The following KAZN variants were observed in gnomAD, a reference collection of about 807,000 sequenced individuals.
KAZN encodes kazrin.
A neutral mutation model predicts 87.4 loss-of-function variants in KAZN; 40 were observed. That is an observed-to-expected ratio of 0.46 (90% CI 0.36 to 0.60). The LOEUF is 0.60. Ranked by LOEUF, KAZN falls within the 20% of genes least tolerant of loss-of-function variation. The pLI, the probability that KAZN is intolerant of heterozygous loss-of-function variation, is 0.00. For synonymous variants in KAZN, 466 were observed against 458.3 expected, an observed-to-expected ratio of 1.02 and a Z score of -0.22; for missense variants, 898 against 1,073.9, an observed-to-expected ratio of 0.84 and a Z score of 2.29.
intron 2 of KAZN, among the ~76,000 whole-genome samples, chr1:14,572,285 G>A (rs552607953): frequency 1.3e-5 from 2 of 152,242 alleles, no homozygotes; most frequent in South Asian, 2.1e-4. Flanking sequence ...CCGCTGGCAC[G>A]GCATTGTACA....
chr1:14,633,587 A>G (rs1258142086), intron 1 of KAZN, among the ~76,000 whole-genome samples: 2 of 152,184 alleles, frequency 1.3e-5, no homozygotes, highest in East Asian at 1.9e-4. Context: ...CAGCACTGTC[A>G]GATAATAAAT....
At chr1:14,628,932 T>C (rs375250930) in intron 1 of KAZN, among the ~76,000 whole-genome samples, 17 of 151,754 alleles carry the variant, frequency 1.1e-4, no homozygotes, top group East Asian at 3.9e-4. Context: ...CTGCAACCTC[T>C]GTCTCCCGGG....
At chr1:14,445,331 G>A (rs1666922726) in intron 2 of KAZN, among the ~76,000 whole-genome samples, 1 of 152,104 alleles carries the variant, frequency 6.6e-6, no homozygotes. Context: ...CGGCCAACTG[G>A]TGTGCTTTTA....
intron 1 of KAZN, among the ~76,000 whole-genome samples, chr1:14,626,432 T>C (rs761440425): frequency 1.3e-5 from 2 of 152,160 alleles, no homozygotes; most frequent in Non-Finnish European, 2.9e-5. Context: ...AACAGCCCAT[T>C]GTGTTGTTTG....
intron 2 of KAZN, among the ~76,000 whole-genome samples, chr1:14,359,246 C>CT (rs751063438): frequency 2.4e-4 from 36 of 150,964 alleles, no homozygotes; most frequent in Admixed American, 5.3e-4. Context: ...ACAAGCCCTG[C>CT]TTTTTTTTTC....
At chr1:14,673,788 C>T (rs770553643) in intron 1 of KAZN, among the ~76,000 whole-genome samples, 3 of 152,186 alleles carry the variant, frequency 2.0e-5, no homozygotes, top group East Asian at 1.9e-4. Context: ...CCCTTCCCTC[C>T]GTGTGCTTTC....
chr1:15,110,175 ATATGTGTGTTGTG>A (rs149395587), intron 13 of KAZN, among the ~76,000 whole-genome samples: 26,146 of 143,816 alleles, frequency 0.18, 2,761 homozygotes, highest in East Asian at 0.54. Flanking sequence ...TTGTGTGTGT[ATATGTGTGTTGTG>A]TATGTGTGTA....
At chr1:14,072,817 ATG>A (rs1643300568) in intron 1 of KAZN, among the ~76,000 whole-genome samples, 1 of 152,092 alleles carries the variant, frequency 6.6e-6, no homozygotes, top group African/African-American at 2.4e-5. Context: ...AAATGAGATG[ATG>A]TGTGTTTTGT....
intron 6 of KAZN, chr1:15,062,645 A>G (rs1435554339): frequency 1.3e-5 from 2 of 152,540 alleles, no homozygotes; most frequent in Non-Finnish European, 2.9e-5. Flanking sequence ...CCTTGGCATT[A>G]TGCTTGCAAT....
At chr1:14,463,154 A>T (rs1353255503) in intron 2 of KAZN, among the ~76,000 whole-genome samples, 1 of 152,218 alleles carries the variant, frequency 6.6e-6, no homozygotes, top group East Asian at 1.9e-4. Flanking sequence ...CTTTCTAGGA[A>T]AGGAGCTTTA....
At chr1:14,739,869 T>C (rs6690550) in intron 1 of KAZN, among the ~76,000 whole-genome samples, 73,282 of 151,786 alleles carry the variant, frequency 0.48, 18,173 homozygotes, top group African/African-American at 0.58. Flanking sequence ...GGAGGGTTTG[T>C]ATCTGCTCTG....
At chr1:14,091,136 C>T (rs1467360861) in intron 1 of KAZN, among the ~76,000 whole-genome samples, 1 of 141,538 alleles carries the variant, frequency 7.1e-6, no homozygotes, top group Admixed American at 7.0e-5. Flanking sequence ...AAAAAAAAGA[C>T]TAGAGGAATT....
At chr1:15,086,187 T>C (rs1032855311) in intron 8 of KAZN, among the ~76,000 whole-genome samples, 1 of 152,156 alleles carries the variant, frequency 6.6e-6, no homozygotes, top group Admixed American at 6.5e-5. Context: ...GCCAGGGTGG[T>C]CTCGAACTCC....
intron 2 of KAZN, among the ~76,000 whole-genome samples, chr1:14,992,592 G>C (rs891294865): frequency 6.6e-6 from 1 of 152,176 alleles, no homozygotes; most frequent in Non-Finnish European, 1.5e-5. Context: ...ACAGCCCTTG[G>C]CACCTCAAGA....
At chr1:14,017,416 G>A (rs1206444090) in intron 1 of KAZN, among the ~76,000 whole-genome samples, 1 of 152,190 alleles carries the variant, frequency 6.6e-6, no homozygotes, top group East Asian at 1.9e-4. Flanking sequence ...AAAGGCAGAG[G>A]GGCAACTTAC....
chr1:14,516,237 C>T (rs1365550274), intron 2 of KAZN, among the ~76,000 whole-genome samples: 2 of 152,164 alleles, frequency 1.3e-5, no homozygotes, highest in African/African-American at 2.4e-5. Flanking sequence ...GATGTCATTC[C>T]CTGCTCTCTC....
At chr1:14,003,172 G>A (rs1300277719) in intron 1 of KAZN, among the ~76,000 whole-genome samples, 1 of 151,976 alleles carries the variant, frequency 6.6e-6, no homozygotes, top group Non-Finnish European at 1.5e-5. Flanking sequence ...ATGGACACAG[G>A]GTGGGGAACA....
At chr1:14,620,716 C>T (rs1678630231) in intron 1 of KAZN, among the ~76,000 whole-genome samples, 1 of 152,214 alleles carries the variant, frequency 6.6e-6, no homozygotes, top group Admixed American at 6.5e-5. Context: ...ACTCCGAGCC[C>T]TGCCACTACT....
chr1:14,080,692 ACT>A (rs1345781392), intron 1 of KAZN, among the ~76,000 whole-genome samples: 1 of 151,794 alleles, frequency 6.6e-6, no homozygotes, highest in Non-Finnish European at 1.5e-5. Context: ...TTTCTGCATG[ACT>A]CTTTTCTGTA....
Sources: gnomAD v4.1 joint callset for allele counts (sites outside exome capture counted in the v4.1 genomes callset) on GRCh38, gnomAD v4.1.1 for gene constraint, MANE v1.5 for transcripts, NCBI Gene and HGNC (gene_info 2026-07-23, HGNC 2026-07-21) for gene names.